SH3PXD2A: variants seen among roughly 807,000 people sequenced by gnomAD.
SH3PXD2A encodes SH3 and PX domains 2A, also known as SH3 and PX domain-containing protein 2A.
A neutral mutation model predicts 115.2 loss-of-function variants in SH3PXD2A; 32 were observed. That is an observed-to-expected ratio of 0.28 (90% CI 0.21 to 0.37). The LOEUF (loss-of-function observed/expected upper bound fraction) is 0.37. Ranked by LOEUF, SH3PXD2A falls within the 10% of genes least tolerant of loss-of-function variation. SH3PXD2A has a pLI of 1.00. For missense variants in SH3PXD2A, 1,328 were observed against 1,498.7 expected, an observed-to-expected ratio of 0.89 and a Z score of 1.88; for synonymous variants, 610 against 629.1, an observed-to-expected ratio of 0.97 and a Z score of 0.45.
At chr10:103,686,024 C>T (rs1457776858) in intron 6 of SH3PXD2A, among the ~76,000 whole-genome samples, 1 of 152,214 alleles carries the variant, frequency 6.6e-6, no homozygotes, top group East Asian at 1.9e-4. Context: ...AAACTGTCAA[C>T]CCCAGGCAAC....
At chr10:103,749,255 A>G (rs1470033184) in intron 3 of SH3PXD2A, among the ~76,000 whole-genome samples, 8 of 152,178 alleles carry the variant, frequency 5.3e-5, no homozygotes, top group African/African-American at 9.6e-5. Flanking sequence ...CTCACACCAC[A>G]GCCCATGTGG....
intron 8 of SH3PXD2A, among the ~76,000 whole-genome samples, chr10:103,643,898 T>C (rs1592278923): frequency 6.7e-6 from 1 of 149,424 alleles, no homozygotes; most frequent in Non-Finnish European, 1.5e-5. Context: ...GATCACGAGG[T>C]CAGGAGATCG....
chr10:103,658,031 A>C (rs907509941), intron 8 of SH3PXD2A, among the ~76,000 whole-genome samples: 1 of 152,212 alleles, frequency 6.6e-6, no homozygotes, highest in African/African-American at 2.4e-5. Flanking sequence ...TCAGCCACAA[A>C]TTGGTTAAAC....
intron 2 of SH3PXD2A, among the ~76,000 whole-genome samples, chr10:103,791,239 T>A (rs935285074): frequency 6.6e-6 from 1 of 152,188 alleles, no homozygotes; most frequent in Non-Finnish European, 1.5e-5. Context: ...AGGGCGGAGA[T>A]GGCTTTTGAT....
At chr10:103,607,132 T>C (rs1308466900) in intron 13 of SH3PXD2A, among the ~76,000 whole-genome samples, 6 of 138,576 alleles carry the variant, frequency 4.3e-5, no homozygotes, top group South Asian at 4.7e-4. Flanking sequence ...ATGTGGGGAG[T>C]GCCTCTGCCC....
Position 103,601,544 on chromosome 10 carries a change from G to C in SH3PXD2A, c.*272C>G. On this transcript the variant is annotated 3_prime_UTR_variant, in exon 15 of 15. Coordinates refer to ENST00000369774, the MANE Select transcript of SH3PXD2A (RefSeq NM_001394015.1). ...TTGGTGAAGTCCCTATGGTGCACAG[G>C]ATATCTCAGCTTTCTTGGCTCTGGG... 1 of 379,168 alleles carries C rather than the reference G, an allele frequency of 2.6e-6. No individual in the cohort carries two copies. The highest frequency in any genetic ancestry group is 4.8e-6 in the Non-Finnish European group (1 of 208,690). The allele number at this position is 379,168 out of a possible 1,614,324, so 23.5% of individuals were successfully genotyped here.
chr10:103,749,049 C>A (rs2134202712), intron 3 of SH3PXD2A, among the ~76,000 whole-genome samples: 1 of 152,100 alleles, frequency 6.6e-6, no homozygotes, highest in Non-Finnish European at 1.5e-5. Context: ...TGCCACCACA[C>A]CTGGCTAATT....
intron 1 of SH3PXD2A, among the ~76,000 whole-genome samples, chr10:103,806,856 G>A (rs1171134107): frequency 6.6e-6 from 1 of 152,130 alleles, no homozygotes; most frequent in Non-Finnish European, 1.5e-5. Context: ...AGGGGCTCAG[G>A]CCCTCCCACC....
intron 5 of SH3PXD2A, among the ~76,000 whole-genome samples, chr10:103,695,856 A>G (rs905487862): frequency 2.6e-5 from 4 of 152,168 alleles, no homozygotes; most frequent in Non-Finnish European, 5.9e-5. Flanking sequence ...CAGAGTTCAG[A>G]GTCCTCCCCA....
intron 10 of SH3PXD2A, among the ~76,000 whole-genome samples, chr10:103,619,749 G>T (rs1249958037): frequency 1.3e-5 from 2 of 152,236 alleles, no homozygotes; most frequent in African/African-American, 4.8e-5. Flanking sequence ...AAGTTGAGCT[G>T]CTCCTGCAAA....
intron 1 of SH3PXD2A, among the ~76,000 whole-genome samples, chr10:103,832,609 T>G (rs572153462): frequency 6.6e-6 from 1 of 152,256 alleles, no homozygotes; most frequent in Admixed American, 6.5e-5. Context: ...TGTAGGGACA[T>G]GGATGAAGCT....
intron 4 of SH3PXD2A, among the ~76,000 whole-genome samples, chr10:103,733,948 G>A (rs1174327697): frequency 6.6e-6 from 1 of 151,860 alleles, no homozygotes. Flanking sequence ...GGAGAGATGA[G>A]GTCTCGTTAT....
At chr10:103,638,569 C>A (rs374544137) in intron 8 of SH3PXD2A, among the ~76,000 whole-genome samples, 83 of 152,368 alleles carry the variant, frequency 5.4e-4, no homozygotes, top group Middle Eastern at 6.8e-3. Context: ...AGCCAGGCTG[C>A]CTGGGATTGA....
At chr10:103,668,507 A>G (rs1177680780) in intron 7 of SH3PXD2A, 101 bp downstream of exon 7, 8 of 1,012,302 alleles carry the variant, frequency 7.9e-6, no homozygotes, top group Non-Finnish European at 1.2e-5. Context: ...CAGCTGCTGC[A>G]CATCACAGGG....
chr10:103,729,512 G>A (rs1006439156), intron 4 of SH3PXD2A, among the ~76,000 whole-genome samples: 1 of 152,272 alleles, frequency 6.6e-6, no homozygotes, highest in Admixed American at 6.5e-5. Context: ...GAAGGCCTCA[G>A]GTTGGAGAAG....
intron 3 of SH3PXD2A, among the ~76,000 whole-genome samples, chr10:103,745,152 A>G (rs1045593728): frequency 6.6e-6 from 1 of 152,194 alleles, no homozygotes; most frequent in Non-Finnish European, 1.5e-5. Flanking sequence ...AGCTGCTAGG[A>G]AGCATCTTTA....
At chr10:103,810,849 CAG>C (rs2039259611) in intron 1 of SH3PXD2A, among the ~76,000 whole-genome samples, 1 of 149,796 alleles carries the variant, frequency 6.7e-6, no homozygotes, top group Middle Eastern at 3.4e-3. Flanking sequence ...CACACACACA[CAG>C]ACACACACAT....
chr10:103,824,547 G>A (rs932565489), intron 1 of SH3PXD2A, among the ~76,000 whole-genome samples: 3 of 152,088 alleles, frequency 2.0e-5, no homozygotes, highest in Middle Eastern at 6.8e-3. Flanking sequence ...TCTGCCTCTG[G>A]GGCCACAGAG....
intron 8 of SH3PXD2A, among the ~76,000 whole-genome samples, chr10:103,630,068 C>T (rs1190654452): frequency 6.6e-6 from 1 of 152,222 alleles, no homozygotes; most frequent in Non-Finnish European, 1.5e-5. Context: ...TTGCCCACAG[C>T]CACTTGCACA....
Sources: allele counts gnomAD v4.1 joint callset (sites outside exome capture counted in the v4.1 genomes callset), GRCh38; gene constraint gnomAD v4.1.1; transcripts MANE v1.5; gene names NCBI Gene and HGNC (gene_info 2026-07-23, HGNC 2026-07-21).